LINGO2: variants seen among roughly 807,000 people sequenced by gnomAD.
The protein encoded by LINGO2 is leucine rich repeat and Ig domain containing 2, also known as leucine-rich repeat and immunoglobulin-like domain-containing nogo receptor-interacting protein 2.
A neutral mutation model predicts 30.6 loss-of-function variants in LINGO2; 14 were observed. That is an observed-to-expected ratio of 0.46 (90% CI 0.30 to 0.72). LINGO2 has a LOEUF of 0.72. Among genes scored for constraint, LINGO2 ranks in the 30% least tolerant of loss-of-function variants. LINGO2 has a pLI of 0.07. For synonymous variants in LINGO2, 317 were observed against 288.5 expected (o/e 1.10, Z -1.00); for missense variants, 729 against 751.7 (o/e 0.97, Z 0.35).
the LINGO2 span, among the ~76,000 whole-genome samples, chr9:29,146,090 G>A: frequency 6.6e-6 from 1 of 152,022 alleles, no homozygotes; most frequent in Non-Finnish European, 1.5e-5. Context: ...TTACTGGTAA[G>A]GTATAAAAAA....
At chr9:28,807,309 C>A in the LINGO2 span, among the ~76,000 whole-genome samples, 1 of 152,088 alleles carries the variant, frequency 6.6e-6, no homozygotes, top group African/African-American at 2.4e-5. Context: ...CAGGTGTGAG[C>A]CACCATGCCC....
At chr9:28,205,657 T>C (rs1380568494) in intron 4 of LINGO2, among the ~76,000 whole-genome samples, 1 of 152,172 alleles carries the variant, frequency 6.6e-6, no homozygotes, top group African/African-American at 2.4e-5. Context: ...GCAGTATTTA[T>C]CCAGATCTGA....
chr9:28,744,159 G>T, the LINGO2 span, among the ~76,000 whole-genome samples: 1 of 149,228 alleles, frequency 6.7e-6, no homozygotes, highest in Non-Finnish European at 1.5e-5. Flanking sequence ...TTTCTATTTG[G>T]TTCTTTTTAA....
chr9:28,502,748 T>C (rs1349119425), intron 1 of LINGO2, among the ~76,000 whole-genome samples: 1 of 152,150 alleles, frequency 6.6e-6, no homozygotes, highest in African/African-American at 2.4e-5. Context: ...TTCTTCATTT[T>C]ATACAGTGCA....
chr9:28,725,460 G>A, the LINGO2 span, among the ~76,000 whole-genome samples: 4 of 151,246 alleles, frequency 2.6e-5, no homozygotes, highest in South Asian at 2.1e-4. Flanking sequence ...ACGTATCACC[G>A]TTCTTATTCA....
chr9:29,181,937 C>T, the LINGO2 span, among the ~76,000 whole-genome samples: 1 of 152,156 alleles, frequency 6.6e-6, no homozygotes, highest in Non-Finnish European at 1.5e-5. Context: ...AAATGCCAGA[C>T]TCCATGCAGT....
chr9:28,145,529 G>A (rs183795401), intron 4 of LINGO2, among the ~76,000 whole-genome samples: 1 of 152,248 alleles, frequency 6.6e-6, no homozygotes, highest in East Asian at 1.9e-4. Flanking sequence ...CTGGCTGTCT[G>A]TACTCTAATT....
At chr9:28,265,365 A>G (rs538048574) in intron 4 of LINGO2, among the ~76,000 whole-genome samples, 2 of 152,060 alleles carry the variant, frequency 1.3e-5, no homozygotes, top group South Asian at 2.1e-4. Context: ...TTATCTTCCT[A>G]TAGCCCCTCC....
chr9:28,766,174 A>G, the LINGO2 span, among the ~76,000 whole-genome samples: 1 of 152,056 alleles, frequency 6.6e-6, no homozygotes, highest in Non-Finnish European at 1.5e-5. Flanking sequence ...TATTTGGGAG[A>G]AAATATTTGC....
At chr9:28,696,985 T>C in the LINGO2 span, among the ~76,000 whole-genome samples, 17 of 152,022 alleles carry the variant, frequency 1.1e-4, no homozygotes, top group Non-Finnish European at 2.5e-4. Context: ...AGTTGTTTTG[T>C]TTGTTTATCT....
chr9:28,513,773 A>G (rs1015040449), intron 1 of LINGO2, among the ~76,000 whole-genome samples: 2 of 152,226 alleles, frequency 1.3e-5, no homozygotes, highest in Non-Finnish European at 2.9e-5. Context: ...ATTTTGAAGA[A>G]GCTTAGAGGT....
chr9:28,073,173 C>G (rs1294489134), intron 4 of LINGO2, among the ~76,000 whole-genome samples: 2 of 152,014 alleles, frequency 1.3e-5, no homozygotes, highest in Non-Finnish European at 2.9e-5. Flanking sequence ...GTAAGGCTTA[C>G]CAGCAGCTGA....
the LINGO2 span, chr9:27,939,563 C>T: frequency 6.6e-6 from 1 of 152,132 alleles, no homozygotes; most frequent in African/African-American, 2.4e-5. Context: ...GAATTAATTC[C>T]CTGTAGGATG....
At chr9:28,635,504 G>A (rs994299060) in intron 1 of LINGO2, among the ~76,000 whole-genome samples, 6 of 152,034 alleles carry the variant, frequency 3.9e-5, no homozygotes, top group Non-Finnish European at 7.4e-5. Context: ...CAGGAGACAG[G>A]GAAAATAACA....
chr9:28,823,288 G>C, the LINGO2 span, among the ~76,000 whole-genome samples: 2 of 152,166 alleles, frequency 1.3e-5, no homozygotes, highest in African/African-American at 2.4e-5. Flanking sequence ...AACTATGACA[G>C]TGGGCCACTA....
At chr9:29,181,312 G>C in the LINGO2 span, among the ~76,000 whole-genome samples, 674 of 152,212 alleles carry the variant, frequency 4.4e-3, 9 homozygotes, top group African/African-American at 0.015. Context: ...GAAAAGAGTA[G>C]ACATTCTAAC....
chr9:28,485,054 G>A (rs183608922), intron 1 of LINGO2, among the ~76,000 whole-genome samples: 33 of 152,172 alleles, frequency 2.2e-4, no homozygotes, highest in East Asian at 1.2e-3. Flanking sequence ...AAGTGAAAGC[G>A]TTGACTAAAT....
chr9:28,193,345 G>T (rs977113600), intron 4 of LINGO2, among the ~76,000 whole-genome samples: 1 of 151,980 alleles, frequency 6.6e-6, no homozygotes, highest in African/African-American at 2.4e-5. Context: ...TATCTTGCTG[G>T]TGGCTTTATT....
intron 1 of LINGO2, among the ~76,000 whole-genome samples, chr9:28,626,845 T>C (rs1347728200): frequency 6.6e-6 from 1 of 151,818 alleles, no homozygotes; most frequent in African/African-American, 2.4e-5. Context: ...TGTGTGTGTG[T>C]CTTCCATTAT....
Sources: allele counts gnomAD v4.1 joint callset (sites outside exome capture counted in the v4.1 genomes callset), GRCh38; gene constraint gnomAD v4.1.1; transcripts MANE v1.5; gene names NCBI Gene and HGNC (gene_info 2026-07-23, HGNC 2026-07-21).